The following PTK7 variants were observed in gnomAD, a reference collection of about 807,000 sequenced individuals.
The protein encoded by PTK7 is protein tyrosine kinase 7 (inactive).
In PTK7, 39 loss-of-function variants were observed where a neutral mutation model predicts 116.6. The observed-to-expected ratio is 0.33, with a 90% CI of 0.26 to 0.44. The LOEUF (loss-of-function observed/expected upper bound fraction) is 0.44. Among genes scored for constraint, PTK7 ranks in the 20% least tolerant of loss-of-function variants. PTK7 has a pLI of 1.00. For synonymous variants in PTK7, 546 were observed against 563.6 expected, an observed-to-expected ratio of 0.97 and a Z score of 0.44; for missense variants, 1,169 against 1,425.6, an observed-to-expected ratio of 0.82 and a Z score of 2.90.
Position 43,138,904 on chromosome 6 carries a change from C to T in PTK7, c.1284C>T (p.Pro428=), listed in dbSNP as rs144221245. Residue 428 remains proline (P), a synonymous_variant, in exon 8 of 20, where the codon CCC becomes CCT. Transcript: ENST00000230419. ...ACAGCCAGCTGGAGGAGGGCAAACC[C>T]GGCTACTTGGATTGCCTGACCCAGG... is the stretch of plus-strand genomic sequence containing the variant. ...PQDSQLEEGK[P]GYLDCLTQAT... 4.0e-5 allele frequency: 64 copies of T among 1,614,046 alleles called. No individual in the cohort carries two copies. Among genetic ancestry groups the T allele is most frequent in the Middle Eastern group, 1.7e-4 (1 of 6,044 alleles).
chr6:43,137,277 G>A (rs1340928501), intron 7 of PTK7, among the ~76,000 whole-genome samples: 1 of 152,212 alleles, frequency 6.6e-6, no homozygotes, highest in African/African-American at 2.4e-5. Flanking sequence ...GGGAGATACT[G>A]AAGGAGCTTG....
At position 43,145,282 on chromosome 6, in the gene PTK7, G is replaced by A; in HGVS notation, c.2490G>A (p.Lys830=). The A allele has an allele frequency of 6.2e-7, 1 of 1,614,080 alleles. No homozygotes were observed. The highest frequency in any genetic ancestry group is 1.1e-5 in the South Asian group (1 of 91,066). The change falls in exon 16 of 20, where the codon AAG becomes AAA. Residue 830 remains lysine, a synonymous_variant. Transcript: ENST00000230419. The surrounding 1 kb of genome is among the most constrained non-coding windows in gnomAD (Gnocchi z 4.8). ...TGGCAGAGACCCTGGTACTTGTGAA[G>A]AGCCTGCAGAGCAAGGATGAGCAGC... The part of the protein sequence containing the change: ...EGVAETLVLV[K]SLQSKDEQQQ...
intron 7 of PTK7, 155 bp from the exon 8 acceptor site, chr6:43,138,692 GCA>G (rs1646081550): frequency 2.0e-6 from 2 of 1,025,270 alleles, no homozygotes; most frequent in Admixed American, 5.3e-5. Flanking sequence ...AAAGGTGCTG[GCA>G]CCTGGGTCTT....
chr6:43,141,894 AC>A lies in PTK7; in HGVS notation c.1769-33del, dbSNP rs763239581. ...GTGTACCCTGCCAGCCCCTTGGCTT[AC>A]CCCTCCCTGCGCCTCGCTGGTCTCT... On this transcript the variant is annotated intron_variant, in intron 11 of 19. Coordinates refer to ENST00000230419, the MANE Select transcript of PTK7 (RefSeq NM_002821.5). This position sits in a 1 kb window ranked among gnomAD's most constrained non-coding sequence, Gnocchi z 4.9. The A allele has an allele frequency of 1.3e-6, 2 of 1,594,336 alleles. No individual in the cohort carries two copies. Among genetic ancestry groups the A allele is most frequent in the Non-Finnish European group, 1.7e-6 (2 of 1,167,962 alleles).
chr6:43,084,085 G>A (rs1766523616), intron 1 of PTK7, among the ~76,000 whole-genome samples: 1 of 152,112 alleles, frequency 6.6e-6, no homozygotes, highest in Non-Finnish European at 1.5e-5. Flanking sequence ...TTGAATAGCT[G>A]ATCCAGTTAC....
At position 43,076,418 on chromosome 6, in the gene PTK7, C is replaced by T. The variant is rs1277193481; in HGVS notation, c.-71C>T. The T allele has an allele frequency of 1.4e-5, 19 of 1,312,214 alleles. No homozygotes were observed. Among genetic ancestry groups the T allele is most frequent in the South Asian group, 6.3e-5 (4 of 63,862 alleles). The allele number at this position is 1,312,214 out of a possible 1,614,324, so 81.3% of individuals were successfully genotyped here. ...CCCGCGCTCCGGTGCGCTCCGCCTC[C>T]TGTGCCCGCCGCGGAGCGCAGTCTG... On this transcript the variant is annotated 5_prime_UTR_variant, in exon 1 of 20. Transcript: ENST00000230419. This position sits in a 1 kb window ranked among gnomAD's most constrained non-coding sequence, Gnocchi z 5.7.
intron 17 of PTK7, among the ~76,000 whole-genome samples, chr6:43,152,016 T>A (rs1051199049): frequency 6.6e-5 from 10 of 151,756 alleles, no homozygotes; most frequent in Non-Finnish European, 7.4e-5. Flanking sequence ...GACTAATTTT[T>A]TGTATTTTTT....
At chr6:43,097,396 T>C (rs1458389351) in intron 1 of PTK7, among the ~76,000 whole-genome samples, 3 of 152,210 alleles carry the variant, frequency 2.0e-5, no homozygotes, top group African/African-American at 7.2e-5. Flanking sequence ...TTTGTCCTTG[T>C]GCTTGTATAT....
chr6:43,115,488 T>A (rs768724971), intron 1 of PTK7, among the ~76,000 whole-genome samples: 2 of 152,046 alleles, frequency 1.3e-5, no homozygotes, highest in Non-Finnish European at 2.9e-5. Flanking sequence ...CCAGTACCTG[T>A]GAGTAATATT....
At chr6:43,084,289 C>T (rs1056751821) in intron 1 of PTK7, among the ~76,000 whole-genome samples, 5 of 152,122 alleles carry the variant, frequency 3.3e-5, no homozygotes, top group African/African-American at 1.2e-4. Flanking sequence ...TGCCACCATA[C>T]CTGGCTAGTT....
intron 1 of PTK7, among the ~76,000 whole-genome samples, chr6:43,116,931 C>T (rs566784709): frequency 6.2e-4 from 94 of 152,242 alleles, no homozygotes; most frequent in Admixed American, 8.5e-4. Context: ...TCAAGCGATT[C>T]TCGTGCTTCA....
At chr6:43,135,383 C>A (rs1769968808) in intron 7 of PTK7, among the ~76,000 whole-genome samples, 2 of 152,240 alleles carry the variant, frequency 1.3e-5, no homozygotes, top group African/African-American at 4.8e-5. Context: ...GCAGAAGCCC[C>A]TCTCCTTGTG....
chr6:43,078,860 C>T (rs1766208281), intron 1 of PTK7, among the ~76,000 whole-genome samples: 2 of 152,204 alleles, frequency 1.3e-5, no homozygotes, highest in South Asian at 2.1e-4. Context: ...TGGTTTCTTT[C>T]CTCCGGGCTC....
chr6:43,088,914 G>C (rs1766803955), intron 1 of PTK7, among the ~76,000 whole-genome samples: 1 of 151,996 alleles, frequency 6.6e-6, no homozygotes, highest in South Asian at 2.1e-4. Flanking sequence ...CTTCCTGCTG[G>C]GAGATGTATG....
intron 7 of PTK7, among the ~76,000 whole-genome samples, chr6:43,136,620 C>T (rs894742380): frequency 4.6e-5 from 7 of 152,172 alleles, no homozygotes; most frequent in African/African-American, 1.4e-4. Flanking sequence ...AGCTGGGTTC[C>T]GAGAGGGCAA....
intron 17 of PTK7, among the ~76,000 whole-genome samples, chr6:43,151,947 C>G (rs1023616579): frequency 2.7e-5 from 4 of 150,940 alleles, no homozygotes; most frequent in Non-Finnish European, 5.9e-5. Context: ...CGGGTTCACG[C>G]CATTCACCTG....
chr6:43,099,966 G>A (rs1389828138), intron 1 of PTK7, among the ~76,000 whole-genome samples: 2 of 152,072 alleles, frequency 1.3e-5, no homozygotes, highest in South Asian at 4.1e-4. Flanking sequence ...TCCTGCCTCA[G>A]CCTCCCAGGT....
chr6:43,123,618 G>T (rs1426315777), intron 1 of PTK7, among the ~76,000 whole-genome samples: 1 of 151,958 alleles, frequency 6.6e-6, no homozygotes, highest in Non-Finnish European at 1.5e-5. Flanking sequence ...GGGGGTGGAG[G>T]GCAGGCACGG....
chr6:43,136,641 T>C (rs575577544), intron 7 of PTK7, among the ~76,000 whole-genome samples: 1 of 152,290 alleles, frequency 6.6e-6, no homozygotes, highest in Admixed American at 6.5e-5. Context: ...AAGTGGAAGC[T>C]GCAGTACTAC....
Sources: allele counts gnomAD v4.1 joint callset (sites outside exome capture counted in the v4.1 genomes callset), GRCh38; gene constraint gnomAD v4.1.1; non-coding constraint Gnocchi (gnomAD v3.1); transcripts MANE v1.5; gene names NCBI Gene and HGNC (gene_info 2026-07-23, HGNC 2026-07-21).